Variants in ARSB observed in about 807,000 individuals in gnomAD.
The protein encoded by ARSB is N-acetylgalactosamine-4-sulfatase.
In ARSB, 41 loss-of-function variants were observed where a neutral mutation model predicts 50.9. That is an observed-to-expected ratio of 0.81 (90% CI 0.63 to 1.04). ARSB has a LOEUF of 1.04. ARSB is among the 50% of genes least tolerant of loss of function. The probability of loss-of-function intolerance (pLI) is 0.00; values close to 1 mark genes in which losing one functional copy is unlikely to be tolerated. For missense variants in ARSB, 672 were observed against 693.3 expected (o/e 0.97, Z 0.35); for synonymous variants, 269 against 284.8 (o/e 0.94, Z 0.56).
chr5:78,794,930 C>T (rs997505834), intron 6 of ARSB, among the ~76,000 whole-genome samples: 5 of 152,262 alleles, frequency 3.3e-5, no homozygotes, highest in African/African-American at 1.2e-4. Flanking sequence ...GGCTTTGGAG[C>T]CAGACTAAAT....
At chr5:78,885,320 G>A (rs1442509686) in intron 5 of ARSB, 2 of 495,288 alleles carry the variant, frequency 4.0e-6, no homozygotes, top group Non-Finnish European at 6.8e-6. Context: ...TAAGCAAAAC[G>A]TCGCAGCTTC....
intron 5 of ARSB, among the ~76,000 whole-genome samples, chr5:78,857,965 T>C (rs1261348072): frequency 6.6e-6 from 1 of 152,236 alleles, no homozygotes; most frequent in Non-Finnish European, 1.5e-5. Context: ...ACACGTATCA[T>C]TTCATTCAAC....
chr5:78,943,734 G>A (rs1168718452), intron 4 of ARSB, among the ~76,000 whole-genome samples: 1 of 152,128 alleles, frequency 6.6e-6, no homozygotes, highest in Non-Finnish European at 1.5e-5. Context: ...TTCAACTTTG[G>A]TGAATCTGAC....
At chr5:78,853,352 C>T (rs759007000) in intron 5 of ARSB, among the ~76,000 whole-genome samples, 4 of 152,132 alleles carry the variant, frequency 2.6e-5, no homozygotes, top group Admixed American at 6.5e-5. Context: ...GTATCAGCAG[C>T]GGTGGCTGCA....
intron 4 of ARSB, among the ~76,000 whole-genome samples, chr5:78,921,517 T>G (rs1749812897): frequency 6.6e-6 from 1 of 152,254 alleles, no homozygotes. Context: ...ATACGGAATA[T>G]CTAATTACTA....
At chr5:78,824,461 A>C (rs550689792) in intron 6 of ARSB, among the ~76,000 whole-genome samples, 33 of 152,314 alleles carry the variant, frequency 2.2e-4, no homozygotes, top group Non-Finnish European at 3.4e-4. Flanking sequence ...TATTGGCACC[A>C]CTCAGGAGTC....
intron 1 of ARSB, among the ~76,000 whole-genome samples, chr5:78,984,389 G>C (rs1252394912): frequency 6.6e-6 from 1 of 152,164 alleles, no homozygotes; most frequent in African/African-American, 2.4e-5. Flanking sequence ...CATGTGAAAG[G>C]AATGTCAGCA....
chr5:78,940,761 A>C lies in ARSB; in HGVS notation c.898+14534T>G, dbSNP rs571207581. 7.2e-5 allele frequency among the ~76,000 whole-genome samples: 11 copies of C among 152,248 alleles called. No homozygotes were observed. The South Asian group carries it at 2.3e-3, about 32-fold the overall frequency. Reference sequence around the variant, plus strand: ...TCTTTTGGCTTAGGATTGACTTGGCAATGCGGGCTCATTTTGGTTCCATAT... The same window carrying C: ...TCTTTTGGCTTAGGATTGACTTGGCCATGCGGGCTCATTTTGGTTCCATAT... On this transcript the variant is annotated intron_variant, in intron 4 of 7. Coordinates refer to ENST00000264914, the MANE Select transcript of ARSB (RefSeq NM_000046.5).
At chr5:78,781,206 T>C (rs1314475174) in intron 7 of ARSB, among the ~76,000 whole-genome samples, 1 of 152,166 alleles carries the variant, frequency 6.6e-6, no homozygotes, top group East Asian at 1.9e-4. Flanking sequence ...TAGCTAAATG[T>C]GCTGTGCTTG....
chr5:78,943,358 G>C (rs337872), intron 4 of ARSB, among the ~76,000 whole-genome samples: 28,897 of 152,130 alleles, frequency 0.19, 2,966 homozygotes, highest in East Asian at 0.46. Flanking sequence ...AGTTGATGTA[G>C]TTTCTTCCTA....
At chr5:78,923,879 C>T (rs1315846582) in intron 4 of ARSB, among the ~76,000 whole-genome samples, 2 of 152,148 alleles carry the variant, frequency 1.3e-5, no homozygotes, top group African/African-American at 4.8e-5. Context: ...TATGTGTGGG[C>T]ATCTGCCTGC....
intron 4 of ARSB, among the ~76,000 whole-genome samples, chr5:78,909,861 C>T (rs1009411011): frequency 6.6e-6 from 1 of 152,144 alleles, no homozygotes; most frequent in African/African-American, 2.4e-5. Flanking sequence ...CCACTGTCTC[C>T]TGCCTGCCCC....
intron 4 of ARSB, among the ~76,000 whole-genome samples, chr5:78,930,144 C>G (rs908155097): frequency 1.3e-5 from 2 of 152,164 alleles, no homozygotes; most frequent in Admixed American, 6.5e-5. Context: ...GACCTTCAAA[C>G]AAAAGGGGAC....
At chr5:78,856,675 C>G (rs576040744) in intron 5 of ARSB, among the ~76,000 whole-genome samples, 17 of 152,166 alleles carry the variant, frequency 1.1e-4, no homozygotes, top group Non-Finnish European at 1.6e-4. Context: ...TTGATTATTG[C>G]TATACTATAA....
chr5:78,896,016 T>C (rs1748543563), intron 4 of ARSB, among the ~76,000 whole-genome samples: 1 of 151,944 alleles, frequency 6.6e-6, no homozygotes, highest in South Asian at 2.1e-4. Flanking sequence ...GGGGGGCAGA[T>C]GAGAGGATAG....
At chr5:78,859,844 T>C (rs950626427) in intron 5 of ARSB, among the ~76,000 whole-genome samples, 5 of 151,892 alleles carry the variant, frequency 3.3e-5, no homozygotes, top group African/African-American at 7.3e-5. Flanking sequence ...CAGACTAACA[T>C]GGAAGAGATC....
intron 6 of ARSB, among the ~76,000 whole-genome samples, chr5:78,820,041 C>T (rs1185144319): frequency 6.6e-6 from 1 of 152,166 alleles, no homozygotes; most frequent in African/African-American, 2.4e-5. Flanking sequence ...TGCCTTTATC[C>T]AAGAACCTGA....
chr5:78,913,844 C>T (rs1749420774), intron 4 of ARSB, among the ~76,000 whole-genome samples: 1 of 151,938 alleles, frequency 6.6e-6, no homozygotes, highest in African/African-American at 2.4e-5. Flanking sequence ...TGTTAAAACT[C>T]ATGTTTTTAA....
At chr5:78,911,908 A>G (rs1749329551) in intron 4 of ARSB, among the ~76,000 whole-genome samples, 1 of 152,164 alleles carries the variant, frequency 6.6e-6, no homozygotes, top group Non-Finnish European at 1.5e-5. Context: ...GCCCATCCAA[A>G]TTTCTGTCTA....
Sources: gnomAD v4.1 joint callset for allele counts (sites outside exome capture counted in the v4.1 genomes callset) on GRCh38, gnomAD v4.1.1 for gene constraint, MANE v1.5 for transcripts, NCBI Gene and HGNC (gene_info 2026-07-23, HGNC 2026-07-21) for gene names.